RIMBP2: variants seen among roughly 807,000 people sequenced by gnomAD.
The protein encoded by RIMBP2 is RIMS binding protein 2.
In RIMBP2, 48 loss-of-function variants were observed where a neutral mutation model predicts 118.6. That is an observed-to-expected ratio of 0.40 (90% CI 0.32 to 0.51). RIMBP2 has a LOEUF of 0.51. RIMBP2 is among the 20% of genes least tolerant of loss of function. RIMBP2 has a pLI of 0.41. For synonymous variants in RIMBP2, 762 were observed against 742.9 expected, an observed-to-expected ratio of 1.03 and a Z score of -0.42; for missense variants, 1,551 against 1,768.3, an observed-to-expected ratio of 0.88 and a Z score of 2.20.
At chr12:130,640,592 G>A (rs2062571744) in intron 1 of RIMBP2, among the ~76,000 whole-genome samples, 1 of 152,222 alleles carries the variant, frequency 6.6e-6, no homozygotes, top group African/African-American at 2.4e-5. Flanking sequence ...GTTCACTGAA[G>A]CTTCGAAAGA....
chr12:130,438,335 A>AGCCCACCCCCCCCC, intron 12 of RIMBP2, 30 bp downstream of exon 12: 2 of 865,012 alleles, frequency 2.3e-6, no homozygotes, highest in Non-Finnish European at 3.8e-6. Flanking sequence ...GGCCTAACAA[A>AGCCCACCCCCCCCC]CCCTCCCCAC....
At chr12:130,678,946 T>G (rs1177625611) in intron 1 of RIMBP2, among the ~76,000 whole-genome samples, 3 of 152,160 alleles carry the variant, frequency 2.0e-5, no homozygotes, top group Non-Finnish European at 4.4e-5. Flanking sequence ...AGGGTTTGCT[T>G]TGGAAGTGAT....
chr12:130,662,428 C>T (rs117683220), intron 1 of RIMBP2, among the ~76,000 whole-genome samples: 2,001 of 152,158 alleles, frequency 0.013, 28 homozygotes, highest in East Asian at 0.061. Context: ...GAGGTTGAGG[C>T]GTGTGGATGA....
chr12:130,562,715 G>C (rs1307401288), intron 2 of RIMBP2, among the ~76,000 whole-genome samples: 1 of 152,206 alleles, frequency 6.6e-6, no homozygotes, highest in Non-Finnish European at 1.5e-5. Context: ...GTGGGGCCTT[G>C]GAAAAGGAGT....
intron 2 of RIMBP2, among the ~76,000 whole-genome samples, chr12:130,555,904 C>T (rs879817191): frequency 2.0e-5 from 3 of 152,216 alleles, no homozygotes; most frequent in Non-Finnish European, 2.9e-5. Flanking sequence ...TGCAGGCCGG[C>T]TCTCAGAAAT....
chr12:130,615,276 C>CATACATATATATATAT (rs1455080257), intron 2 of RIMBP2, among the ~76,000 whole-genome samples: 21 of 100,258 alleles, frequency 2.1e-4, no homozygotes, highest in South Asian at 7.6e-4. Context: ...AATACACATA[C>CATACATATATATATAT]ATATATATAT....
At chr12:130,568,956 T>C (rs1322796175) in intron 2 of RIMBP2, among the ~76,000 whole-genome samples, 1 of 151,952 alleles carries the variant, frequency 6.6e-6, no homozygotes, top group Non-Finnish European at 1.5e-5. Flanking sequence ...CCATTGTAAC[T>C]ATTGGAGCTG....
intron 1 of RIMBP2, among the ~76,000 whole-genome samples, chr12:130,653,815 C>T (rs943187976): frequency 4.6e-5 from 7 of 152,216 alleles, no homozygotes; most frequent in African/African-American, 9.6e-5. Context: ...TAATGGCTTG[C>T]ACCCTCAGAA....
chr12:130,563,185 C>G (rs930141928), intron 2 of RIMBP2, among the ~76,000 whole-genome samples: 2 of 152,152 alleles, frequency 1.3e-5, no homozygotes, highest in African/African-American at 4.8e-5. Flanking sequence ...AAGGACCCAC[C>G]CTGTCAATTT....
rs138693546 is a variant in RIMBP2, at chr12:130,447,541, C to T, written c.582-2272G>A. On this transcript the variant is annotated intron_variant, in intron 9 of 22. Coordinates refer to ENST00000690449, the MANE Select transcript of RIMBP2 (RefSeq NM_001393629.1). The surrounding 1 kb of genome is among the most constrained non-coding windows in gnomAD (Gnocchi z 4.4). ...TGGGTTCTTGAGGGGCGATGGGAGA[C>T]GAGGGACAGGTGATCACTGATGGGA... Among the ~76,000 whole-genome samples, 706 of 150,986 alleles carry T rather than the reference C, an allele frequency of 4.7e-3. 8 individuals carry two copies. Among genetic ancestry groups the T allele is most frequent in the African/African-American group, 0.016 (643 of 40,736 alleles).
intron 2 of RIMBP2, among the ~76,000 whole-genome samples, chr12:130,539,888 G>A (rs12809960): frequency 1.7e-5 from 2 of 120,124 alleles, no homozygotes; most frequent in African/African-American, 6.5e-5. Flanking sequence ...ATGAGGTGGC[G>A]AGGTGTAGGC....
In RIMBP2 at chr12:130,437,118, C is replaced by T. The variant is rs748158971; in HGVS notation, c.1830G>A (p.Pro610=). The change falls in exon 13 of 23, where the codon CCG becomes CCA. Residue 610 remains proline, a synonymous_variant. Coordinates refer to ENST00000690449, the MANE Select transcript of RIMBP2 (RefSeq NM_001393629.1). ...ATGGCTTTGATTGGGGTGCAGGTCT[C>T]GGGTGGGGGGTAGGAGGCACCAGGA... ...PELLVPPTPH[P]RPAPQSKPLA... 72 of 1,580,990 alleles carry T rather than the reference C, an allele frequency of 4.6e-5. 1 individual carries two copies. The highest frequency in any genetic ancestry group is 1.2e-4 in the Admixed American group (7 of 56,820).
intron 2 of RIMBP2, among the ~76,000 whole-genome samples, chr12:130,529,312 C>T (rs1396767427): frequency 1.3e-5 from 2 of 152,162 alleles, no homozygotes; most frequent in African/African-American, 2.4e-5. Flanking sequence ...TCCTGATTCA[C>T]GCTACAACAG....
intron 9 of RIMBP2, among the ~76,000 whole-genome samples, chr12:130,448,361 C>G (rs1396654335): frequency 6.6e-6 from 1 of 152,206 alleles, no homozygotes; most frequent in Non-Finnish European, 1.5e-5. Context: ...GGCAGGAACG[C>G]AAACCCAGTG....
intron 4 of RIMBP2, among the ~76,000 whole-genome samples, chr12:130,496,831 G>A (rs907274314): frequency 3.3e-5 from 5 of 152,290 alleles, no homozygotes; most frequent in South Asian, 4.2e-4. Context: ...GGACCCTCAA[G>A]TTGTTCTGCC....
intron 21 of RIMBP2, among the ~76,000 whole-genome samples, chr12:130,404,051 C>T (rs772250018): frequency 1.3e-5 from 2 of 152,060 alleles, no homozygotes; most frequent in Admixed American, 6.6e-5. Context: ...TATTCAGAAT[C>T]GTTCTAAGTG....
At chr12:130,674,884 C>T (rs2064378918) in intron 1 of RIMBP2, among the ~76,000 whole-genome samples, 1 of 152,190 alleles carries the variant, frequency 6.6e-6, no homozygotes, top group Admixed American at 6.5e-5. Context: ...CGGGTCCGGC[C>T]TCTTCCACAC....
At chr12:130,453,451 T>C (rs975583483) in intron 7 of RIMBP2, among the ~76,000 whole-genome samples, 1 of 152,226 alleles carries the variant, frequency 6.6e-6, no homozygotes, top group Non-Finnish European at 1.5e-5. Context: ...CTGCGGCAGA[T>C]GAACAGGTAA....
intron 3 of RIMBP2, among the ~76,000 whole-genome samples, chr12:130,512,326 T>G (rs1165078774): frequency 6.9e-6 from 1 of 145,120 alleles, no homozygotes; most frequent in African/African-American, 2.6e-5. Flanking sequence ...AGTCCATTGC[T>G]TTCTTTTTTT....
Sources: gnomAD v4.1 joint callset for allele counts (sites outside exome capture counted in the v4.1 genomes callset) on GRCh38, gnomAD v4.1.1 for gene constraint, Gnocchi (gnomAD v3.1) non-coding constraint, MANE v1.5 for transcripts, NCBI Gene and HGNC (gene_info 2026-07-23, HGNC 2026-07-21) for gene names.